The following MTAP variants were observed in gnomAD, a reference collection of about 807,000 sequenced individuals.
MTAP encodes the protein S-methyl-5'-thioadenosine phosphorylase.
A neutral mutation model predicts 33.6 loss-of-function variants in MTAP; 33 were observed. That is an observed-to-expected ratio of 0.98 (90% CI 0.74 to 1.31). MTAP has a LOEUF of 1.31. Ranked by LOEUF, MTAP falls within the 40% of genes most tolerant of loss-of-function variation. The probability of loss-of-function intolerance (pLI) is 0.00; values close to 1 mark genes in which losing one functional copy is unlikely to be tolerated. For synonymous variants in MTAP, 148 were observed against 125.7 expected, an observed-to-expected ratio of 1.18 and a Z score of -1.19; for missense variants, 367 against 360.0, an observed-to-expected ratio of 1.02 and a Z score of -0.16.
chr9:21,843,999 A>C (rs1825315412), intron 5 of MTAP, among the ~76,000 whole-genome samples: 1 of 152,218 alleles, frequency 6.6e-6, no homozygotes, highest in Non-Finnish European at 1.5e-5. Context: ...GAAATTAACC[A>C]AGAAGAGAAA....
Position 21,816,702 on chromosome 9 carries a change from C to G in MTAP, c.121-12C>G. 1 of 1,603,596 alleles carries G rather than the reference C, an allele frequency of 6.2e-7. No homozygotes were observed. The highest frequency in any genetic ancestry group is 1.3e-5 in the African/African-American group (1 of 74,332). On this transcript the variant is annotated splice_polypyrimidine_tract_variant and intron_variant, in intron 2 of 7. Transcript: ENST00000644715. Reference sequence around the variant, plus strand: ...ATCACTGAGTTAAATGTCATTTTTTCATTGCATGCAGCCATCTGATGCCTT... The same window carrying G: ...ATCACTGAGTTAAATGTCATTTTTTGATTGCATGCAGCCATCTGATGCCTT...
intron 1 of MTAP, among the ~76,000 whole-genome samples, chr9:21,919,907 CTT>C (rs1307373071): frequency 9.2e-5 from 14 of 152,106 alleles, no homozygotes; most frequent in Admixed American, 7.9e-4. Context: ...TAAACACACT[CTT>C]TGAGGCTGAA....
chr9:21,919,043 G>T (rs1454475196), intron 1 of MTAP, among the ~76,000 whole-genome samples: 2 of 152,156 alleles, frequency 1.3e-5, no homozygotes, highest in Non-Finnish European at 1.5e-5. Context: ...ATAGGAAAAA[G>T]TGAGAACTAA....
intron 2 of MTAP, 147 bp from the exon 3 acceptor site, chr9:21,816,566 AT>A (rs1824480695): frequency 1.5e-6 from 1 of 659,108 alleles, no homozygotes; most frequent in East Asian, 2.8e-5. Flanking sequence ...TGATTAAATG[AT>A]TATATTGATA....
intron 4 of MTAP, among the ~76,000 whole-genome samples, chr9:21,823,632 G>C (rs1218545941): frequency 6.6e-6 from 1 of 152,156 alleles, no homozygotes; most frequent in African/African-American, 2.4e-5. Context: ...GGCGTTCTCT[G>C]TATTTCCTGA....
chr9:21,846,650 A>G (rs1825391476), intron 5 of MTAP, among the ~76,000 whole-genome samples: 1 of 152,216 alleles, frequency 6.6e-6, no homozygotes, highest in Non-Finnish European at 1.5e-5. Context: ...AATGTAAACT[A>G]GTACAATGGA....
intron 1 of MTAP, 40 bp downstream of exon 1, chr9:21,802,821 G>A (rs375801253): frequency 2.0e-4 from 319 of 1,610,874 alleles, no homozygotes; most frequent in Non-Finnish European, 2.5e-4. Flanking sequence ...TCGCCCTGCC[G>A]GATGCCTTCT....
chr9:21,849,298 A>G (rs975063319), intron 5 of MTAP, among the ~76,000 whole-genome samples: 5 of 152,188 alleles, frequency 3.3e-5, no homozygotes, highest in Non-Finnish European at 5.9e-5. Flanking sequence ...AAGGGAAATA[A>G]TCAGACATTT....
intron 4 of MTAP, among the ~76,000 whole-genome samples, chr9:21,832,772 T>A (rs948451643): frequency 6.6e-6 from 1 of 152,200 alleles, no homozygotes; most frequent in Non-Finnish European, 1.5e-5. Context: ...GGTGTCACAA[T>A]CAGTTAATCC....
At chr9:21,833,989 T>C (rs1437738168) in intron 4 of MTAP, among the ~76,000 whole-genome samples, 1 of 152,230 alleles carries the variant, frequency 6.6e-6, no homozygotes, top group Non-Finnish European at 1.5e-5. Flanking sequence ...CCTTTACTTT[T>C]CCATAGGCTG....
At chr9:21,936,584 C>G (rs909632087) in exon 8 of MTAP, 1 of 152,062 alleles carries the variant, frequency 6.6e-6, no homozygotes, top group African/African-American at 2.4e-5. Context: ...TACAAAGGAA[C>G]TAAATATATT....
chr9:21,846,298 A>G (rs963277946), intron 5 of MTAP, among the ~76,000 whole-genome samples: 1 of 152,212 alleles, frequency 6.6e-6, no homozygotes, highest in Non-Finnish European at 1.5e-5. Context: ...CACAACAACA[A>G]AAAATAATAA....
chr9:21,921,752 C>T (rs57926938), intron 1 of MTAP, among the ~76,000 whole-genome samples: 9 of 152,202 alleles, frequency 5.9e-5, no homozygotes, highest in African/African-American at 2.2e-4. Context: ...GGGCAGATGG[C>T]TTGAGCTCAG....
chr9:21,848,256 A>T (rs1291620759), intron 5 of MTAP, among the ~76,000 whole-genome samples: 1 of 152,124 alleles, frequency 6.6e-6, no homozygotes, highest in Non-Finnish European at 1.5e-5. Flanking sequence ...AGGCCCCTAG[A>T]GGTGAGGTTG....
chr9:21,854,308 C>T (rs1429024958), intron 5 of MTAP, among the ~76,000 whole-genome samples: 3 of 152,206 alleles, frequency 2.0e-5, no homozygotes, highest in African/African-American at 7.2e-5. Context: ...CCAGCTTAGT[C>T]TCTTAAAGTT....
chr9:21,870,091 A>C (rs571742479), downstream of MTAP, among the ~76,000 whole-genome samples: 1 of 152,232 alleles, frequency 6.6e-6, no homozygotes, highest in Admixed American at 6.5e-5. Context: ...CCAGCAGATA[A>C]CCACCTGGCC....
At chr9:21,929,549 T>C in intron 1 of MTAP, 1 of 348,492 alleles carries the variant, frequency 2.9e-6, no homozygotes, top group Non-Finnish European at 6.0e-6. Context: ...CAGCAATTGC[T>C]CCAAAACACA....
Position 21,896,197 on chromosome 9 carries a change from T to G in MTAP, c.148-34811T>G, listed in dbSNP as rs371677502. ...AACGAAAGGAAGGCAGAAATAAAGA[T>G]GTCCTTTGAAACCAATGAGAAAAAA... On this transcript the variant is annotated intron_variant, in intron 1 of 1. Transcript: ENST00000577563. Among the ~76,000 whole-genome samples, 8 of 152,158 alleles carry G rather than the reference T, an allele frequency of 5.3e-5. No homozygotes were observed. In the South Asian group the frequency reaches 1.5e-3, roughly 28 times the overall value.
chr9:21,910,685 A>G lies in MTAP; in HGVS notation c.148-20323A>G, dbSNP rs1417447856. Among the ~76,000 whole-genome samples the G allele has an allele frequency of 2.0e-5, 3 of 152,196 alleles. No homozygotes were observed. In the East Asian group the frequency reaches 5.8e-4, roughly 29 times the overall value. On this transcript the variant is annotated intron_variant, in intron 1 of 1. Coordinates refer to the MTAP transcript ENST00000577563. ...GGAGTCCTTGTTTGTTGGTTTTTTA[A>G]TAGCAGTGATATAATTCACATATCA...
Sources: allele counts gnomAD v4.1 joint callset (sites outside exome capture counted in the v4.1 genomes callset), GRCh38; gene constraint gnomAD v4.1.1; transcripts MANE v1.5; gene names NCBI Gene and HGNC (gene_info 2026-07-23, HGNC 2026-07-21).